The following KDR variants were observed in gnomAD, a reference collection of about 807,000 sequenced individuals.
KDR encodes kinase insert domain receptor.
In KDR, 43 loss-of-function variants were observed where a neutral mutation model predicts 160.9. The observed-to-expected ratio is 0.27, with a 90% CI of 0.21 to 0.34. The LOEUF is 0.34. Ranked by LOEUF, KDR falls within the 10% of genes least tolerant of loss-of-function variation. The pLI, the probability that KDR is intolerant of heterozygous loss-of-function variation, is 1.00. For synonymous variants in KDR, 617 were observed against 600.1 expected, an observed-to-expected ratio of 1.03 and a Z score of -0.41; for missense variants, 1,469 against 1,666.4, an observed-to-expected ratio of 0.88 and a Z score of 2.06.
intron 10 of KDR, among the ~76,000 whole-genome samples, chr4:55,107,199 G>A (rs1560520112): frequency 6.6e-6 from 1 of 152,132 alleles, no homozygotes; most frequent in Non-Finnish European, 1.5e-5. Context: ...AGCTCATAGT[G>A]GCCATTTCAA....
At position 55,107,723 on chromosome 4, in the gene KDR, G is replaced by C; in HGVS notation, c.1412+14C>G. ...AAGATGGCAGGAAAGCAAAGAGCAT[G>C]TGGCCTTACTCACCTGGGCTCGTTG... On this transcript the variant is annotated intron_variant, in intron 10 of 29. Transcript: ENST00000263923. 1 of 1,613,770 alleles carries C rather than the reference G, an allele frequency of 6.2e-7. No homozygotes were observed. The highest frequency in any genetic ancestry group is 8.5e-7 in the Non-Finnish European group (1 of 1,179,728).
In KDR at chr4:55,110,733, A is replaced by G; in HGVS notation, c.1012T>C (p.Ser338Pro). ...PFVAFGSGME[S>P]LVEATVGERV... ...TCCCCCACCGTGGCTTCCACCAGAG[A>G]TTCCATGCCACTTCCAAAAGCAACA... The change falls in exon 8 of 30, where the codon TCT (serine) becomes CCT (proline). Residue 338 changes from serine (S) to proline (P), a missense_variant. Ser to Pro is a moderately conservative substitution (Grantham distance 74). Coordinates refer to ENST00000263923, the MANE Select transcript of KDR (RefSeq NM_002253.4). 6.2e-7 allele frequency: 1 copy of G among 1,613,300 alleles called. No individual in the cohort carries two copies. Among genetic ancestry groups the G allele is most frequent in the East Asian group, 2.2e-5 (1 of 44,854 alleles).
At chr4:55,105,997 G>T in intron 11 of KDR, 57 bp from the exon 12 acceptor site, 1 of 1,077,542 alleles carries the variant, frequency 9.3e-7, no homozygotes, top group Non-Finnish European at 1.4e-6. Context: ...TTGTGCACAA[G>T]CACTCAGTCC....
At chr4:55,097,579 C>A in intron 18 of KDR, 83 bp downstream of exon 18, 1 of 932,644 alleles carries the variant, frequency 1.1e-6, no homozygotes, top group Non-Finnish European at 1.7e-6. Flanking sequence ...CACATAAGCA[C>A]AAAGCTACTG....
In KDR at chr4:55,087,858, T is replaced by A; in HGVS notation, c.3511-100A>T. ...ACAGGGACTTCTTGGCTACATAGGG[T>A]GTGTGGCTTTCATATCTGAACATAG... is the stretch of plus-strand genomic sequence containing the variant. On this transcript the variant is annotated intron_variant, in intron 26 of 29. Transcript: ENST00000263923. 12 of 1,066,122 alleles carry A rather than the reference T, an allele frequency of 1.1e-5. No individual in the cohort carries two copies. In the South Asian group the frequency reaches 1.4e-4, roughly 12 times the overall value. The allele number at this position is 1,066,122 out of a possible 1,614,324, so 66.0% of individuals were successfully genotyped here. A position where few individuals can be genotyped will look rare whatever the true frequency, so the allele number is the denominator to read the frequency against.
At chr4:55,111,405 G>A (rs550551105) in intron 7 of KDR, among the ~76,000 whole-genome samples, 23 of 152,120 alleles carry the variant, frequency 1.5e-4, no homozygotes, top group African/African-American at 4.8e-4. Flanking sequence ...TCATGCTAAC[G>A]CTCGAGTCAT....
intron 13 of KDR, among the ~76,000 whole-genome samples, chr4:55,103,661 T>G (rs941390829): frequency 6.6e-6 from 1 of 152,080 alleles, no homozygotes; most frequent in African/African-American, 2.4e-5. Flanking sequence ...ACTAGCGAAC[T>G]TTATGCTAGT....
chr4:55,117,440 A>G (rs1357432926), intron 3 of KDR, among the ~76,000 whole-genome samples: 1 of 152,186 alleles, frequency 6.6e-6, no homozygotes, highest in Non-Finnish European at 1.5e-5. Context: ...TGTCTCTTTC[A>G]AATCTTGTGG....
At chr4:55,091,797 C>T (rs1720024678) in intron 22 of KDR, among the ~76,000 whole-genome samples, 1 of 152,170 alleles carries the variant, frequency 6.6e-6, no homozygotes, top group African/African-American at 2.4e-5. Flanking sequence ...AGTATTGTTA[C>T]CTAATATAAA....
Position 55,087,657 on chromosome 4 carries a change from C to A in KDR, c.3612G>T (p.Glu1204Asp). 6.2e-7 allele frequency: 1 copy of A among 1,614,076 alleles called. No homozygotes were observed. Among genetic ancestry groups the A allele is most frequent in the Non-Finnish European group, 8.5e-7 (1 of 1,179,922 alleles). ...LPTSPVSCME[E>D]EEVCDPKFHY... ...GGAATTTGGGGTCACATACTTCCTC[C>A]TCCTCCATACAGGAAACAGGTGAGG... The change falls in exon 27 of 30, where the codon GAG becomes GAT. Residue 1204 changes from glutamate (E) to aspartate (D), a missense_variant. This residue lies in a region of KDR where 229 missense variants were observed against 197.8 expected (regional missense o/e 1.16). Transcript: ENST00000263923.
At chr4:55,083,414 G>A (rs1410606127) in intron 27 of KDR, among the ~76,000 whole-genome samples, 2 of 152,124 alleles carry the variant, frequency 1.3e-5, no homozygotes, top group African/African-American at 4.8e-5. Context: ...ATGACATAGA[G>A]AATGTTGGGC....
In KDR at chr4:55,110,686, C is replaced by T. The variant is rs375682955; in HGVS notation, c.1059G>A (p.Lys353=). ...TVGERVRIPA[K]YLGYPPPEIK... ...TTTCTGGGGGTGGGTAACCAAGGTA[C>T]TTCGCAGGGATTCTGACACGCTCCC... The change falls in exon 8 of 30, where the codon AAG becomes AAA. Residue 353 remains lysine (K), a synonymous_variant. Coordinates refer to ENST00000263923, the MANE Select transcript of KDR (RefSeq NM_002253.4). 2 of 1,613,668 alleles carry T rather than the reference C, an allele frequency of 1.2e-6. No homozygotes were observed. The highest frequency in any genetic ancestry group is 2.7e-5 in the African/African-American group (2 of 74,878).
intron 16 of KDR, 66 bp from the exon 17 acceptor site, chr4:55,098,338 T>C (rs1720215284): frequency 2.6e-6 from 4 of 1,554,870 alleles, no homozygotes; most frequent in Non-Finnish European, 3.5e-6. Flanking sequence ...GTGTGCTTGT[T>C]ATTGCTGTTT....
chr4:55,114,830 C>A, intron 5 of KDR, 44 bp downstream of exon 5: 1 of 1,484,784 alleles, frequency 6.7e-7, no homozygotes, highest in Non-Finnish European at 9.4e-7. Flanking sequence ...GATCTTAATA[C>A]AAGGATATGT....
At position 55,118,604 on chromosome 4, in the gene KDR, C is replaced by G; in HGVS notation, c.358G>C (p.Asp120His). The part of the protein sequence containing the change: ...LASVIYVYVQ[D>H]YRSPFIASVS... ...AAATGAATTTTATTTCACCACTTAC[C>G]TTGAACATAGACATAAATGACCGAG... is the stretch of plus-strand genomic sequence containing the variant. Residue 120 changes from aspartate to histidine, a missense_variant and splice_region_variant, in exon 3 of 30, where the codon GAT becomes CAT. By Grantham distance (81) the Asp-to-His change is moderately conservative (BLOSUM62 -1). Coordinates refer to ENST00000263923, the MANE Select transcript of KDR (RefSeq NM_002253.4). 1.9e-6 allele frequency: 3 copies of G among 1,611,746 alleles called. No individual in the cohort carries two copies. The highest frequency in any genetic ancestry group is 2.5e-6 in the Non-Finnish European group (3 of 1,177,842).
intron 6 of KDR, 58 bp downstream of exon 6, chr4:55,114,067 CT>C: frequency 6.2e-7 from 1 of 1,603,588 alleles, no homozygotes; most frequent in Non-Finnish European, 8.5e-7. Flanking sequence ...CTCAAGCAAA[CT>C]TCACTGGGGC....
Position 55,125,405 on chromosome 4 carries a change from G to C in KDR, c.-112C>G. On this transcript the variant is annotated 5_prime_UTR_variant, in exon 1 of 30. Transcript: ENST00000263923. ...GGAACTCGCGGCACCCCGCAGCGCA[G>C]GACAGTTGAGCGCACAGGGCTAGGG... 7.4e-7 allele frequency: 1 copy of C among 1,358,484 alleles called. No individual in the cohort carries two copies. The highest frequency in any genetic ancestry group is 1.0e-6 in the Non-Finnish European group (1 of 984,274). The allele number at this position is 1,358,484 out of a possible 1,614,324, so 84.2% of individuals were successfully genotyped here.
chr4:55,084,319 T>C (rs1308563705), intron 27 of KDR, among the ~76,000 whole-genome samples: 2 of 152,146 alleles, frequency 1.3e-5, no homozygotes, highest in South Asian at 2.1e-4. Context: ...ACTGCACTTC[T>C]TCAGGAGAAA....
intron 19 of KDR, 141 bp from the exon 20 acceptor site, chr4:55,095,806 C>T (rs1303319989): frequency 7.1e-6 from 5 of 702,338 alleles, no homozygotes; most frequent in Non-Finnish European, 1.0e-5. Context: ...ATCAGCTGGT[C>T]CCAATCCCCT....
Sources: gnomAD v4.1 joint callset for allele counts (sites outside exome capture counted in the v4.1 genomes callset) on GRCh38, gnomAD v4.1.1 for gene constraint, gnomAD v4.1.1 regional missense constraint, MANE v1.5 for transcripts, NCBI Gene and HGNC (gene_info 2026-07-23, HGNC 2026-07-21) for gene names.